Variants in SND1 observed in about 807,000 individuals in gnomAD.
SND1 encodes staphylococcal nuclease domain-containing protein 1.
Under a neutral mutation model 121.7 loss-of-function variants are expected in SND1, and 38 were observed. The observed-to-expected ratio is 0.31, with a 90% CI of 0.24 to 0.41. The LOEUF (loss-of-function observed/expected upper bound fraction) is 0.41, where lower values mean the gene tolerates loss of function less well. SND1 is among the 10% of genes least tolerant of loss of function. SND1 has a pLI of 1.00. For missense variants in SND1, 868 were observed against 1,184.6 expected, an observed-to-expected ratio of 0.73 and a Z score of 3.92; for synonymous variants, 401 against 447.4, an observed-to-expected ratio of 0.90 and a Z score of 1.31.
At chr7:127,772,614 A>C (rs1005403115) in intron 10 of SND1, among the ~76,000 whole-genome samples, 8 of 152,262 alleles carry the variant, frequency 5.3e-5, no homozygotes, top group Admixed American at 4.6e-4. Context: ...GTGCTGCCAC[A>C]ATGCAGAATG....
chr7:127,726,643 A>G (rs1192349462), intron 10 of SND1, among the ~76,000 whole-genome samples: 1 of 152,300 alleles, frequency 6.6e-6, no homozygotes. Flanking sequence ...TCTATTGCCC[A>G]GGGCTGCTGT....
At chr7:127,967,243 C>G (rs560654751) in intron 15 of SND1, among the ~76,000 whole-genome samples, 33 of 152,204 alleles carry the variant, frequency 2.2e-4, no homozygotes, top group Non-Finnish European at 4.0e-4. Flanking sequence ...GGTTTAGGAG[C>G]TAGCACTCTC....
intron 12 of SND1, among the ~76,000 whole-genome samples, chr7:127,852,163 AAAAATAAAATAAAATAAAT>A (rs1204568382): frequency 1.0e-4 from 14 of 133,904 alleles, no homozygotes; most frequent in African/African-American, 2.5e-4. Context: ...CAGTCTCCAA[AAAAATAAAATAAAATAAAT>A]AAAATAAAAT....
chr7:127,780,428 C>T (rs1797698310), intron 10 of SND1, among the ~76,000 whole-genome samples: 1 of 152,134 alleles, frequency 6.6e-6, no homozygotes. Context: ...ATTGTCATGG[C>T]CTTTTAAAGT....
rs1798286837 is a variant in SND1, at chr7:127,808,849, TTA to T, written c.1242+1277_1242+1278del. On this transcript the variant is annotated intron_variant, in intron 11 of 23. Transcript: ENST00000354725. ...ACCAAGTTGATATCATTTCGCTCAT[TTA>T]CTGGCTTATAAACAGTTGCTTACAG... is the stretch of plus-strand genomic sequence containing the variant. Among the ~76,000 whole-genome samples, 4 of 152,258 alleles carry T rather than the reference TTA, an allele frequency of 2.6e-5. No homozygotes were observed. The South Asian group carries it at 8.3e-4, about 31-fold the overall frequency.
rs1351178630 is a variant in SND1, at chr7:127,964,282, G to A, written c.1670-26665G>A. Among the ~76,000 whole-genome samples, 34 of 150,166 alleles carry A rather than the reference G, an allele frequency of 2.3e-4. 1 individual carries two copies. Among genetic ancestry groups the A allele is most frequent in the Admixed American group, 2.3e-3 (34 of 15,048 alleles). The stretch of plus-strand genomic sequence containing the variant: ...AATTAGATCCCATTTGTCAATTTTG[G>A]CTTTTGTTGCCATTGCTTTTGGTGT... On this transcript the variant is annotated intron_variant, in intron 15 of 23. Coordinates refer to ENST00000354725, the MANE Select transcript of SND1 (RefSeq NM_014390.4).
intron 15 of SND1, among the ~76,000 whole-genome samples, chr7:127,986,119 G>A (rs868022347): frequency 1.4e-4 from 21 of 152,214 alleles, no homozygotes; most frequent in Middle Eastern, 6.8e-3. Context: ...CATAAAACTC[G>A]AAAAAGAGTG....
At chr7:127,743,546 A>C (rs1307251647) in intron 10 of SND1, among the ~76,000 whole-genome samples, 1 of 152,118 alleles carries the variant, frequency 6.6e-6, no homozygotes, top group African/African-American at 2.4e-5. Context: ...CTCTGTCCTC[A>C]TTGTCATCTT....
At chr7:128,059,085 A>T (rs1317131868) in intron 16 of SND1, among the ~76,000 whole-genome samples, 2 of 152,152 alleles carry the variant, frequency 1.3e-5, no homozygotes, top group South Asian at 4.2e-4. Flanking sequence ...TCCTTCTTCT[A>T]CCCTGCCACT....
chr7:127,736,585 G>A (rs1562995473), intron 10 of SND1, among the ~76,000 whole-genome samples: 1 of 152,226 alleles, frequency 6.6e-6, no homozygotes, highest in Non-Finnish European at 1.5e-5. Context: ...TCTTAGGTAA[G>A]TTGTGCTGTC....
At chr7:127,728,186 GT>G (rs1796615100) in intron 10 of SND1, among the ~76,000 whole-genome samples, 1 of 151,500 alleles carries the variant, frequency 6.6e-6, no homozygotes, top group African/African-American at 2.4e-5. Context: ...ATTTCCTTTA[GT>G]TATATATTCC....
chr7:127,972,575 A>C (rs765213601), intron 15 of SND1, among the ~76,000 whole-genome samples: 2 of 150,214 alleles, frequency 1.3e-5, no homozygotes, highest in Non-Finnish European at 3.0e-5. Flanking sequence ...GAACTTCAGA[A>C]ATGGAATCAC....
intron 3 of SND1, among the ~76,000 whole-genome samples, chr7:127,697,936 G>T (rs1796035653): frequency 6.6e-6 from 1 of 152,142 alleles, no homozygotes; most frequent in Admixed American, 6.6e-5. Context: ...CCATATTAAA[G>T]ATTTTTATGT....
intron 10 of SND1, among the ~76,000 whole-genome samples, chr7:127,751,186 A>C (rs191970823): frequency 6.6e-6 from 1 of 152,096 alleles, no homozygotes; most frequent in African/African-American, 2.4e-5. Flanking sequence ...AAAGCCATTC[A>C]GTCTTCCCTC....
At chr7:127,949,626 T>C (rs1801416002) in intron 15 of SND1, among the ~76,000 whole-genome samples, 1 of 152,200 alleles carries the variant, frequency 6.6e-6, no homozygotes, top group Non-Finnish European at 1.5e-5. Context: ...AAAAACACCC[T>C]TCCCTCAGCA....
chr7:127,655,625 C>T (rs952878652), intron 1 of SND1, among the ~76,000 whole-genome samples: 6 of 152,144 alleles, frequency 3.9e-5, no homozygotes, highest in Admixed American at 3.9e-4. Context: ...TTTATTTTCT[C>T]GAAACCCTGA....
intron 12 of SND1, among the ~76,000 whole-genome samples, chr7:127,847,211 G>T (rs1016155994): frequency 5.3e-5 from 8 of 152,146 alleles, no homozygotes; most frequent in African/African-American, 1.9e-4. Context: ...GGCGGGAGTT[G>T]CAGTGAGCCG....
intron 10 of SND1, among the ~76,000 whole-genome samples, chr7:127,803,705 T>A (rs928541175): frequency 1.3e-5 from 2 of 152,188 alleles, no homozygotes; most frequent in Non-Finnish European, 2.9e-5. Flanking sequence ...AATAAGGACT[T>A]GATTCAAGTT....
chr7:127,691,538 G>A (rs188172726), intron 2 of SND1, among the ~76,000 whole-genome samples: 26 of 151,874 alleles, frequency 1.7e-4, no homozygotes, highest in African/African-American at 2.4e-4. Context: ...GCGAGACTCC[G>A]TCTCAAAAAT....
Sources: allele counts gnomAD v4.1 joint callset (sites outside exome capture counted in the v4.1 genomes callset), GRCh38; gene constraint gnomAD v4.1.1; transcripts MANE v1.5; gene names NCBI Gene and HGNC (gene_info 2026-07-23, HGNC 2026-07-21).